ADGRA3: variants seen among roughly 807,000 people sequenced by gnomAD.
ADGRA3 encodes G-protein coupled receptor 125.
Under a neutral mutation model 119.8 loss-of-function variants are expected in ADGRA3, and 56 were observed. The observed-to-expected ratio is 0.47, with a 90% confidence interval of 0.38 to 0.58. The LOEUF (loss-of-function observed/expected upper bound fraction) is 0.58, where lower values mean the gene tolerates loss of function less well. ADGRA3 is among the 20% of genes least tolerant of loss of function. The probability of loss-of-function intolerance (pLI) is 0.00; values close to 1 mark genes in which losing one functional copy is unlikely to be tolerated. For synonymous variants in ADGRA3, 607 were observed against 623.8 expected (o/e 0.97, Z 0.40); for missense variants, 1,516 against 1,649.0 (o/e 0.92, Z 1.40).
intron 12 of ADGRA3, among the ~76,000 whole-genome samples, chr4:22,414,897 G>C (rs1000157050): frequency 6.6e-6 from 1 of 152,096 alleles, no homozygotes; most frequent in African/African-American, 2.4e-5. Flanking sequence ...TTGGTGTAAC[G>C]GAAAGTGGAT....
chr4:22,515,340 A>G (rs1719608724), intron 1 of ADGRA3, 188 bp downstream of exon 1: 3 of 564,888 alleles, frequency 5.3e-6, no homozygotes, highest in Non-Finnish European at 2.7e-6. Context: ...GGCAGCTCGG[A>G]CGCAGATTCC....
intron 1 of ADGRA3, among the ~76,000 whole-genome samples, chr4:22,509,611 G>GT (rs950215180): frequency 5.3e-5 from 8 of 152,026 alleles, no homozygotes; most frequent in Admixed American, 3.9e-4. Flanking sequence ...TGCTAGGACT[G>GT]TTTCGTCTCC....
chr4:22,477,714 T>G (rs1263186112), intron 1 of ADGRA3: 1 of 152,178 alleles, frequency 6.6e-6, no homozygotes, highest in Non-Finnish European at 1.5e-5. Flanking sequence ...TTGAGGAAAG[T>G]AAAAAGGAAG....
chr4:22,515,372 C>T (rs1408134009), intron 1 of ADGRA3, 156 bp downstream of exon 1: 2 of 831,452 alleles, frequency 2.4e-6, no homozygotes, highest in Admixed American at 4.0e-5. Flanking sequence ...CTGAACTGCA[C>T]CCATGCCAAG....
intron 2 of ADGRA3, among the ~76,000 whole-genome samples, chr4:22,469,503 T>C (rs1717781969): frequency 6.6e-6 from 1 of 152,160 alleles, no homozygotes; most frequent in African/African-American, 2.4e-5. Context: ...TCCTAGACAA[T>C]CTCATCACCA....
chr4:22,418,245 G>C (rs1203751018), intron 12 of ADGRA3, among the ~76,000 whole-genome samples: 1 of 152,180 alleles, frequency 6.6e-6, no homozygotes, highest in Middle Eastern at 3.2e-3. Context: ...GAAGTCACTG[G>C]TGATTCCAGC....
chr4:22,423,060 G>A (rs557286728), intron 11 of ADGRA3, among the ~76,000 whole-genome samples: 29 of 152,130 alleles, frequency 1.9e-4, no homozygotes, highest in Admixed American at 3.3e-4. Flanking sequence ...GCCACACATA[G>A]TGGTGCTTGC....
intron 10 of ADGRA3, among the ~76,000 whole-genome samples, chr4:22,434,760 T>C (rs1301862733): frequency 1.3e-5 from 2 of 152,214 alleles, no homozygotes; most frequent in Non-Finnish European, 2.9e-5. Context: ...TGGACAAGCA[T>C]ATCATGGTTT....
intron 6 of ADGRA3, 48 bp downstream of exon 6, chr4:22,444,925 C>T (rs1192733331): frequency 6.3e-7 from 1 of 1,587,894 alleles, no homozygotes; most frequent in Non-Finnish European, 8.6e-7. Flanking sequence ...AACATGGTAG[C>T]AAGTCAAAAT....
intron 1 of ADGRA3, among the ~76,000 whole-genome samples, chr4:22,511,895 CTT>C (rs5856700): frequency 6.8e-5 from 7 of 102,620 alleles, no homozygotes; most frequent in East Asian, 3.0e-4. Context: ...TTCTTTCTTT[CTT>C]TTTTTTTTTT....
At chr4:22,436,198 A>T (rs544223202) in intron 9 of ADGRA3, among the ~76,000 whole-genome samples, 3 of 152,010 alleles carry the variant, frequency 2.0e-5, no homozygotes, top group Admixed American at 6.6e-5. Context: ...GATACAGATT[A>T]AAAAAAAGAT....
At chr4:22,393,915 T>C (rs546018366) in intron 16 of ADGRA3, 8 of 152,178 alleles carry the variant, frequency 5.3e-5, no homozygotes, top group East Asian at 1.9e-4. Context: ...ATGCAAATGA[T>C]ACACTTACAG....
intron 9 of ADGRA3, 58 bp downstream of exon 9, chr4:22,436,382 T>C (rs1716393637): frequency 5.9e-6 from 8 of 1,355,270 alleles, no homozygotes; most frequent in African/African-American, 1.5e-5. Context: ...CTTATGTATT[T>C]GGTTTGAATA....
chr4:22,494,628 A>G (rs1718747940), intron 1 of ADGRA3, among the ~76,000 whole-genome samples: 1 of 151,952 alleles, frequency 6.6e-6, no homozygotes, highest in Non-Finnish European at 1.5e-5. Context: ...ATATTATCCT[A>G]AATAAAACTA....
intron 3 of ADGRA3, among the ~76,000 whole-genome samples, chr4:22,460,481 C>T (rs1040441807): frequency 6.6e-6 from 1 of 152,210 alleles, no homozygotes; most frequent in African/African-American, 2.4e-5. Flanking sequence ...CTAGACAAGG[C>T]ACCAAAGGAA....
rs900322747 is a variant in ADGRA3, at chr4:22,424,350, T to C, written c.1446A>G (p.Leu482=). 9 of 1,612,094 alleles carry C rather than the reference T, an allele frequency of 5.6e-6. No homozygotes were observed. The highest frequency in any genetic ancestry group is 5.0e-5 in the Admixed American group (3 of 59,738). Residue 482 remains leucine, a splice_region_variant and synonymous_variant, in exon 11 of 19, where the codon CTA becomes CTG. Coordinates refer to ENST00000334304, the MANE Select transcript of ADGRA3 (RefSeq NM_145290.4). ...TTGCAATGTCAACCATCACGTCACC[T>C]AGCTAGCAGGGGTTCAGGAGAAAAA... The part of the protein sequence containing the change: ...RFTKEEKSKE[L]GDVMVDIASN...
chr4:22,514,046 T>C (rs1401394986), intron 1 of ADGRA3, among the ~76,000 whole-genome samples: 4 of 152,104 alleles, frequency 2.6e-5, no homozygotes, highest in African/African-American at 9.7e-5. Flanking sequence ...CCAGCTGAAA[T>C]TGTGGACACT....
intron 1 of ADGRA3, among the ~76,000 whole-genome samples, chr4:22,509,806 C>A (rs1719380412): frequency 1.3e-5 from 2 of 151,722 alleles, no homozygotes; most frequent in Non-Finnish European, 2.9e-5. Flanking sequence ...GTCAGGAGAT[C>A]GAGACCATCC....
In ADGRA3 at chr4:22,388,351, T is replaced by C; in HGVS notation, c.3320A>G (p.Lys1107Arg). The change falls in exon 19 of 19, where the codon AAA becomes AGA. Residue 1107 changes from lysine (K) to arginine (R), a missense_variant. This residue lies in a region of ADGRA3 where 1,088 missense variants were observed against 1,107.1 expected (regional missense o/e 0.98). Coordinates refer to ENST00000334304, the MANE Select transcript of ADGRA3 (RefSeq NM_145290.4). ...SCTNKSASSF[K>R]NSSQGCKLTN... ...TAATTTGCAGCCCTGGGAGGAATTT[T>C]TGAAGCTTGAAGCACTTTTGTTTGT... 1 of 1,614,082 alleles carries C rather than the reference T, an allele frequency of 6.2e-7. No homozygotes were observed. Among genetic ancestry groups the C allele is most frequent in the African/African-American group, 1.3e-5 (1 of 75,034 alleles).
Sources: gnomAD v4.1 joint callset for allele counts (sites outside exome capture counted in the v4.1 genomes callset) on GRCh38, gnomAD v4.1.1 for gene constraint, gnomAD v4.1.1 regional missense constraint, MANE v1.5 for transcripts, NCBI Gene and HGNC (gene_info 2026-07-23, HGNC 2026-07-21) for gene names.